The following DLGAP2 variants were observed in gnomAD, a reference collection of about 807,000 sequenced individuals.
DLGAP2 encodes disks large-associated protein 2.
Under a neutral mutation model 100.3 loss-of-function variants are expected in DLGAP2, and 26 were observed. The ratio of observed to expected loss-of-function variants is 0.26; its 90% CI spans 0.19 to 0.36. The LOEUF is 0.36. DLGAP2 is among the 10% of genes least tolerant of loss of function. The pLI, the probability that DLGAP2 is intolerant of heterozygous loss-of-function variation, is 1.00. For missense variants in DLGAP2, 1,858 were observed against 1,453.2 expected (o/e 1.28, Z -4.53); for synonymous variants, 886 against 630.1 (o/e 1.41, Z -6.08).
At chr8:1,185,954 G>T (rs542290626) in intron 2 of DLGAP2, among the ~76,000 whole-genome samples, 1 of 152,084 alleles carries the variant, frequency 6.6e-6, no homozygotes, top group Non-Finnish European at 1.5e-5. Context: ...TGATCTCGGG[G>T]CCTCCTGTCA....
At chr8:925,095 G>C (rs1000252550) in intron 2 of DLGAP2, among the ~76,000 whole-genome samples, 2 of 152,156 alleles carry the variant, frequency 1.3e-5, no homozygotes, top group Admixed American at 6.5e-5. Flanking sequence ...AATGGTGAAA[G>C]TGTAGGTGCG....
At chr8:1,045,838 T>A (rs2701926) in intron 2 of DLGAP2, among the ~76,000 whole-genome samples, 22,386 of 152,106 alleles carry the variant, frequency 0.15, 3,607 homozygotes, top group African/African-American at 0.4. Context: ...CATTTCTAGG[T>A]GACTCGCCAT....
rs375416274 is a variant in DLGAP2, at chr8:1,549,241, C to T, written c.788C>T (p.Ala263Val). 6 of 1,606,802 alleles carry T rather than the reference C, an allele frequency of 3.7e-6. No homozygotes were observed. The highest frequency in any genetic ancestry group is 2.2e-5 in the East Asian group (1 of 44,576). Residue 263 changes from alanine (A) to valine (V), a missense_variant, in exon 5 of 15, where the codon GCG becomes GTG. By Grantham distance (64) the Ala-to-Val change is moderately conservative (BLOSUM62 0). Coordinates refer to ENST00000637795, the MANE Select transcript of DLGAP2 (RefSeq NM_001346810.2). The stretch of plus-strand genomic sequence containing the variant: ...AACGGCACCAAGGCGGACGGCCGGG[C>T]GGACGACCACCACCACGCCCACCAC... ...NANGTKADGR[A>V]DDHHHAHHAK...
chr8:1,176,421 A>G (rs183919310), intron 2 of DLGAP2, among the ~76,000 whole-genome samples: 3 of 152,212 alleles, frequency 2.0e-5, no homozygotes, highest in Non-Finnish European at 4.4e-5. Flanking sequence ...CGTTAGATCT[A>G]CACTTTGGGT....
chr8:1,331,029 C>A (rs1413211055), intron 3 of DLGAP2, among the ~76,000 whole-genome samples: 1 of 149,496 alleles, frequency 6.7e-6, no homozygotes, highest in Non-Finnish European at 1.5e-5. Context: ...GGTGGGAGCA[C>A]CGCTTCACAG....
At chr8:1,673,987 T>A (rs1798752270) in intron 10 of DLGAP2, among the ~76,000 whole-genome samples, 1 of 152,226 alleles carries the variant, frequency 6.6e-6, no homozygotes. Flanking sequence ...TTGTTGTCCA[T>A]GGCACCTGTC....
At chr8:767,175 C>T (rs757775379) in intron 1 of DLGAP2, among the ~76,000 whole-genome samples, 4 of 152,028 alleles carry the variant, frequency 2.6e-5, no homozygotes, top group African/African-American at 7.2e-5. Flanking sequence ...TCCACGGCTC[C>T]GCTTCTTCCT....
chr8:985,926 C>G (rs574619704), intron 2 of DLGAP2, among the ~76,000 whole-genome samples: 4 of 152,198 alleles, frequency 2.6e-5, no homozygotes, highest in Admixed American at 6.5e-5. Flanking sequence ...GCCTCCCTCC[C>G]TGAAGATGCT....
At chr8:1,523,323 C>A (rs1317066461) in intron 4 of DLGAP2, among the ~76,000 whole-genome samples, 1 of 152,238 alleles carries the variant, frequency 6.6e-6, no homozygotes, top group African/African-American at 2.4e-5. Context: ...CGACAGAGAA[C>A]AGCGTCACGG....
At chr8:1,291,581 G>A (rs973747395) in intron 3 of DLGAP2, among the ~76,000 whole-genome samples, 2 of 152,098 alleles carry the variant, frequency 1.3e-5, no homozygotes, top group African/African-American at 4.8e-5. Flanking sequence ...GGTGATTCTG[G>A]GGAAGCCCCT....
intron 2 of DLGAP2, among the ~76,000 whole-genome samples, chr8:973,281 C>G (rs1451847840): frequency 1.3e-5 from 2 of 148,170 alleles, no homozygotes; most frequent in Non-Finnish European, 3.0e-5. Flanking sequence ...GACGGGGCAG[C>G]TGGCCGGGCG....
rs375020990 is a variant in DLGAP2 at position 1,048,733 on chromosome 8, G to A, written c.73+140767G>A. Among the ~76,000 whole-genome samples, 25 of 151,906 alleles carry A rather than the reference G, an allele frequency of 1.6e-4. No homozygotes were observed. The East Asian group carries it at 2.3e-3, about 14-fold the overall frequency. ...TAGACCTGGAACTGGGGCTGCGGTG[G>A]GCCTAGCCTGTCCCCACATCTGCCG... On this transcript the variant is annotated intron_variant, in intron 2 of 14. Coordinates refer to ENST00000637795, the MANE Select transcript of DLGAP2 (RefSeq NM_001346810.2).
intron 3 of DLGAP2, among the ~76,000 whole-genome samples, chr8:1,266,758 T>C (rs7000038): frequency 0.25 from 38,167 of 151,862 alleles, 4,949 homozygotes; most frequent in East Asian, 0.47. Flanking sequence ...TGTGTGTATA[T>C]GTGTTTGTGT....
intron 3 of DLGAP2, among the ~76,000 whole-genome samples, chr8:1,276,623 G>A (rs1321339470): frequency 2.0e-5 from 3 of 150,822 alleles, no homozygotes; most frequent in African/African-American, 7.3e-5. Flanking sequence ...GGTGCGTCTT[G>A]TGTCGGTGCT....
chr8:824,282 C>G (rs576627459), intron 1 of DLGAP2, among the ~76,000 whole-genome samples: 1 of 151,890 alleles, frequency 6.6e-6, no homozygotes, highest in African/African-American at 2.4e-5. Context: ...TGCCATGTTG[C>G]CCAGGCTGGT....
chr8:882,030 G>A (rs927251887), intron 1 of DLGAP2, among the ~76,000 whole-genome samples: 4 of 152,094 alleles, frequency 2.6e-5, no homozygotes, highest in African/African-American at 9.7e-5. Context: ...CCTGTGTCCT[G>A]TTCATTCTGG....
chr8:976,229 C>T (rs377489009), intron 2 of DLGAP2, among the ~76,000 whole-genome samples: 12 of 152,176 alleles, frequency 7.9e-5, no homozygotes, highest in East Asian at 5.8e-4. Context: ...GGGATGACTT[C>T]GAGACTTATT....
At chr8:1,601,227 C>T (rs962295480) in intron 6 of DLGAP2, among the ~76,000 whole-genome samples, 1 of 152,222 alleles carries the variant, frequency 6.6e-6, no homozygotes, top group African/African-American at 2.4e-5. Context: ...AGATTGCTGC[C>T]TGTTCCTTCC....
chr8:1,073,564 T>C (rs997901804), intron 2 of DLGAP2, among the ~76,000 whole-genome samples: 3 of 152,174 alleles, frequency 2.0e-5, no homozygotes, highest in Admixed American at 2.0e-4. Flanking sequence ...CCAAAGATGG[T>C]TTTTGTTTTC....
Sources: gnomAD v4.1 joint callset for allele counts (sites outside exome capture counted in the v4.1 genomes callset) on GRCh38, gnomAD v4.1.1 for gene constraint, MANE v1.5 for transcripts, NCBI Gene and HGNC (gene_info 2026-07-23, HGNC 2026-07-21) for gene names.